TTLL11: variants seen among roughly 807,000 people sequenced by gnomAD.
The protein encoded by TTLL11 is tubulin polyglutamylase TTLL11.
A neutral mutation model predicts 51.7 loss-of-function variants in TTLL11; 42 were observed. The observed-to-expected ratio is 0.81, with a 90% CI of 0.64 to 1.05. TTLL11 has a LOEUF of 1.05. Among genes scored for constraint, TTLL11 ranks in the 50% least tolerant of loss-of-function variants. The pLI is 0.00. For synonymous variants in TTLL11, 381 were observed against 383.5 expected, an observed-to-expected ratio of 0.99 and a Z score of 0.08; for missense variants, 799 against 940.4, an observed-to-expected ratio of 0.85 and a Z score of 1.97.
chr9:121,941,881 T>C (rs1478528518), intron 6 of TTLL11, among the ~76,000 whole-genome samples: 1 of 152,080 alleles, frequency 6.6e-6, no homozygotes, highest in Non-Finnish European at 1.5e-5. Context: ...TCCCTCATTG[T>C]ACCCAGCAGG....
At chr9:121,941,991 C>A (rs1362005874) in intron 6 of TTLL11, among the ~76,000 whole-genome samples, 1 of 152,122 alleles carries the variant, frequency 6.6e-6, no homozygotes, top group Non-Finnish European at 1.5e-5. Context: ...CTCCTGCAGG[C>A]CTCAAAATAA....
intron 6 of TTLL11, among the ~76,000 whole-genome samples, chr9:121,897,791 C>T (rs1211624041): frequency 2.0e-5 from 3 of 152,118 alleles, no homozygotes; most frequent in Non-Finnish European, 1.5e-5. Context: ...CTGACTGTAC[C>T]GGGCACAGCC....
Position 121,974,945 on chromosome 9 carries a change from A to G in TTLL11, c.1304T>C (p.Leu435Pro), listed in dbSNP as rs1842664184. ...ATTTACTTCAAGTAGTATAGGCTTC[A>G]GATTTTTCATTAGAAGAATGTCAAA... is the stretch of plus-strand genomic sequence containing the variant. Reference protein sequence around the residue: ...LGFDILLMKNLKPILLEVNAN... With the variant: ...LGFDILLMKNPKPILLEVNAN... The change falls in exon 5 of 9, where the codon CTG becomes CCG. Residue 435 changes from leucine (L) to proline (P), a missense_variant. Transcript: ENST00000321582. The G allele has an allele frequency of 3.9e-6, 6 of 1,537,130 alleles. No homozygotes were observed. Among genetic ancestry groups the G allele is most frequent in the Non-Finnish European group, 5.2e-6 (6 of 1,143,966 alleles).
At chr9:122,078,950 T>C (rs918765387) in intron 1 of TTLL11, among the ~76,000 whole-genome samples, 7 of 152,238 alleles carry the variant, frequency 4.6e-5, no homozygotes, top group African/African-American at 1.7e-4. Flanking sequence ...TTTAGAGTAC[T>C]GTTACAGCTT....
intron 8 of TTLL11, among the ~76,000 whole-genome samples, chr9:121,829,100 C>T (rs551200338): frequency 6.6e-6 from 1 of 151,950 alleles, no homozygotes; most frequent in South Asian, 2.1e-4. Context: ...TTACAGGTGC[C>T]CATCACCATG....
At chr9:121,928,150 A>G (rs927112607) in intron 6 of TTLL11, among the ~76,000 whole-genome samples, 2 of 152,192 alleles carry the variant, frequency 1.3e-5, no homozygotes, top group Non-Finnish European at 2.9e-5. Context: ...CATGCCTGTG[A>G]TTCGATAAAA....
intron 3 of TTLL11, among the ~76,000 whole-genome samples, chr9:121,991,882 T>A (rs10985477): frequency 6.6e-6 from 1 of 152,290 alleles, no homozygotes; most frequent in East Asian, 1.9e-4. Context: ...AGAGGTGACG[T>A]GACTTCCCTT....
At chr9:122,082,501 C>CA (rs35349693) in intron 1 of TTLL11, among the ~76,000 whole-genome samples, 28,002 of 84,000 alleles carry the variant, frequency 0.33, 4,954 homozygotes, top group African/African-American at 0.48. Flanking sequence ...GACTCTGTCT[C>CA]AAAAAAAAAA....
chr9:121,992,997 ACTATG>A (rs1843156668), intron 3 of TTLL11, among the ~76,000 whole-genome samples: 1 of 152,248 alleles, frequency 6.6e-6, no homozygotes, highest in Non-Finnish European at 1.5e-5. Context: ...TCCTGAGGAT[ACTATG>A]CTAAGTGAAA....
intron 6 of TTLL11, among the ~76,000 whole-genome samples, chr9:121,897,423 G>C (rs949657317): frequency 7.2e-5 from 11 of 151,986 alleles, no homozygotes; most frequent in African/African-American, 2.4e-5. Context: ...CCCTGGCTTC[G>C]GCTCATTTTT....
At chr9:121,973,918 G>A in intron 6 of TTLL11, 91 bp downstream of exon 6, 1 of 783,848 alleles carries the variant, frequency 1.3e-6, no homozygotes, top group South Asian at 1.8e-5. Context: ...ACTCACAATG[G>A]TAACAGGTTC....
At chr9:121,903,996 C>G (rs1047634590) in intron 6 of TTLL11, among the ~76,000 whole-genome samples, 2 of 152,192 alleles carry the variant, frequency 1.3e-5, no homozygotes, top group Non-Finnish European at 2.9e-5. Context: ...AATATACAAG[C>G]CAACTCAGCT....
At chr9:121,824,540 A>G (rs1836690777) in intron 8 of TTLL11, among the ~76,000 whole-genome samples, 1 of 152,148 alleles carries the variant, frequency 6.6e-6, no homozygotes, top group East Asian at 1.9e-4. Flanking sequence ...AACCTCCCTA[A>G]GGCCACACAG....
At chr9:121,868,492 C>CT (rs912646803) in intron 7 of TTLL11, among the ~76,000 whole-genome samples, 1 of 152,140 alleles carries the variant, frequency 6.6e-6, no homozygotes, top group Non-Finnish European at 1.5e-5. Flanking sequence ...GTGTGGAGGC[C>CT]TTTTTTCTTC....
chr9:121,971,990 G>T (rs552004193), intron 6 of TTLL11, among the ~76,000 whole-genome samples: 2 of 152,142 alleles, frequency 1.3e-5, no homozygotes, highest in Non-Finnish European at 2.9e-5. Context: ...CGGTGGGTGG[G>T]GACTAGGGGA....
rs990509522 is a variant in TTLL11, at chr9:121,820,618, C to A, written c.*1969G>T. 2.6e-5 allele frequency among the ~76,000 whole-genome samples: 4 copies of A among 152,082 alleles called. No individual in the cohort carries two copies. The highest frequency in any genetic ancestry group is 5.9e-5 in the Non-Finnish European group (4 of 68,022). Reference sequence around the variant, plus strand: ...GGAGCCAAAGACAGACACACCTGGACCAAGTCCTGACTACATGGCCTCCTG... The same window carrying A: ...GGAGCCAAAGACAGACACACCTGGAACAAGTCCTGACTACATGGCCTCCTG... On this transcript the variant is annotated 3_prime_UTR_variant, in exon 9 of 9. Transcript: ENST00000321582.
chr9:121,955,845 G>C (rs958731270), intron 6 of TTLL11, among the ~76,000 whole-genome samples: 1 of 152,086 alleles, frequency 6.6e-6, no homozygotes, highest in African/African-American at 2.4e-5. Flanking sequence ...ATTTTCTGAG[G>C]GAAAATAGAG....
At chr9:121,915,543 G>T (rs1454640737) in intron 6 of TTLL11, among the ~76,000 whole-genome samples, 1 of 152,094 alleles carries the variant, frequency 6.6e-6, no homozygotes, top group African/African-American at 2.4e-5. Flanking sequence ...AATACTAGAA[G>T]TTTCTTTCTT....
At chr9:121,834,523 C>T (rs77436234) in intron 8 of TTLL11, among the ~76,000 whole-genome samples, 1,964 of 148,766 alleles carry the variant, frequency 0.013, 50 homozygotes, top group African/African-American at 0.046. Context: ...AAAAGCAACA[C>T]AGTGCTTAAA....
Sources: allele counts gnomAD v4.1 joint callset (sites outside exome capture counted in the v4.1 genomes callset), GRCh38; gene constraint gnomAD v4.1.1; transcripts MANE v1.5; gene names NCBI Gene and HGNC (gene_info 2026-07-23, HGNC 2026-07-21).